PPFIA1: variants seen among roughly 807,000 people sequenced by gnomAD.
PPFIA1 encodes PPFI scaffold protein A1.
A neutral mutation model predicts 149.9 loss-of-function variants in PPFIA1; 25 were observed. The observed-to-expected ratio is 0.17, with a 90% CI of 0.12 to 0.23. PPFIA1 has a LOEUF of 0.23. Among genes scored for constraint, PPFIA1 ranks in the 10% least tolerant of loss-of-function variants. The pLI is 1.00. For synonymous variants in PPFIA1, 549 were observed against 552.8 expected (o/e 0.99, Z 0.10); for missense variants, 1,362 against 1,506.5 (o/e 0.90, Z 1.59).
rs1042534008 is a variant in PPFIA1, at chr11:70,327,364, A to G, written c.930+546A>G. On this transcript the variant is annotated intron_variant, in intron 7 of 27. Transcript: ENST00000253925. ...TGTGGCGTTGAATATTAATGGTCAAACAATCAAGAGTGGAATTTGCTTCTA... is the reference window on the plus strand; with the variant it reads ...TGTGGCGTTGAATATTAATGGTCAAGCAATCAAGAGTGGAATTTGCTTCTA... Among the ~76,000 whole-genome samples, 3 of 152,358 alleles carry G rather than the reference A, an allele frequency of 2.0e-5. No homozygotes were observed. The South Asian group carries it at 6.2e-4, about 32-fold the overall frequency.
intron 14 of PPFIA1, among the ~76,000 whole-genome samples, chr11:70,339,674 C>T (rs1380528981): frequency 2.7e-5 from 4 of 149,738 alleles, no homozygotes; most frequent in Non-Finnish European, 5.9e-5. Context: ...AAAATACAGT[C>T]ACTTTTAAAT....
At chr11:70,338,573 G>T in intron 13 of PPFIA1, 120 bp downstream of exon 13, 4 of 736,288 alleles carry the variant, frequency 5.4e-6, no homozygotes, top group Non-Finnish European at 9.0e-6. Context: ...CTGTAGCTTA[G>T]TAGGAAGCGA....
At chr11:70,338,599 C>G in intron 13 of PPFIA1, 146 bp downstream of exon 13, 2 of 635,132 alleles carry the variant, frequency 3.1e-6, no homozygotes, top group South Asian at 2.0e-5. Flanking sequence ...AAAAGTAACT[C>G]AAAGGTTAGA....
At chr11:70,369,195 T>A (rs901977071) in intron 21 of PPFIA1, among the ~76,000 whole-genome samples, 10 of 152,348 alleles carry the variant, frequency 6.6e-5, no homozygotes, top group Non-Finnish European at 1.5e-4. Flanking sequence ...TGGAGTTCCA[T>A]AAATGATGAC....
intron 2 of PPFIA1, among the ~76,000 whole-genome samples, chr11:70,300,111 C>T (rs1293971232): frequency 6.6e-6 from 1 of 151,092 alleles, no homozygotes; most frequent in African/African-American, 2.4e-5. Flanking sequence ...GCCCCTTCCA[C>T]CCGCCCCACA....
At chr11:70,327,572 C>A (rs958623528) in intron 7 of PPFIA1, 22 of 152,110 alleles carry the variant, frequency 1.4e-4, no homozygotes, top group Admixed American at 1.1e-3. Flanking sequence ...GAGATCGAGA[C>A]CATCCTGGCT....
chr11:70,278,982 G>A, intron 2 of PPFIA1: 1 of 593,632 alleles, frequency 1.7e-6, no homozygotes, highest in Admixed American at 2.2e-5. Flanking sequence ...ACCTTTACCA[G>A]CAATTGTAGA....
chr11:70,283,756 A>G (rs1341958485), intron 2 of PPFIA1, among the ~76,000 whole-genome samples: 2 of 83,508 alleles, frequency 2.4e-5, no homozygotes, highest in African/African-American at 9.4e-5. Flanking sequence ...ACCAGGGTCA[A>G]GCTTGCGGGG....
chr11:70,376,463 A>G, intron 24 of PPFIA1, 69 bp from the exon 25 acceptor site: 2 of 1,470,628 alleles, frequency 1.4e-6, no homozygotes. Context: ...TTAAAAAACA[A>G]TTACGATGCT....
chr11:70,375,928 A>G (rs1032149821), intron 24 of PPFIA1, among the ~76,000 whole-genome samples: 2 of 144,558 alleles, frequency 1.4e-5, no homozygotes, highest in African/African-American at 2.5e-5. Flanking sequence ...TTGACTCCAC[A>G]TTAGATGCCC....
At chr11:70,329,613 A>G (rs549505602) in intron 7 of PPFIA1, among the ~76,000 whole-genome samples, 356 of 152,172 alleles carry the variant, frequency 2.3e-3, no homozygotes, top group Admixed American at 4.3e-3. Flanking sequence ...TGCGTGGCTA[A>G]TTTTTGTTTC....
intron 25 of PPFIA1, 28 bp downstream of exon 25, chr11:70,376,628 A>AT (rs748972540): frequency 6.6e-7 from 1 of 1,510,578 alleles, no homozygotes; most frequent in African/African-American, 1.4e-5. Context: ...TGTTCTTTAA[A>AT]TGTCTGAAAT....
At chr11:70,299,415 T>G (rs571222064) in intron 2 of PPFIA1, among the ~76,000 whole-genome samples, 76 of 152,306 alleles carry the variant, frequency 5.0e-4, no homozygotes, top group African/African-American at 1.7e-3. Context: ...GGATTTCTTT[T>G]CATGTTAGGT....
rs575647970 is a variant in PPFIA1 at position 70,303,557 on chromosome 11, T to C, written c.265-20845T>C. On this transcript the variant is annotated intron_variant, in intron 2 of 27. Transcript: ENST00000253925. ...TTCCTGAGCGGTGCCAAGTGTGATA[T>C]TGTAGCATAAGAAGAGATGTACATT... Among the ~76,000 whole-genome samples, 15 of 152,322 alleles carry C rather than the reference T, an allele frequency of 9.8e-5. 1 individual carries two copies. Among genetic ancestry groups the C allele is most frequent in the Non-Finnish European group, 2.1e-4 (14 of 68,022 alleles).
At chr11:70,296,086 C>T (rs552506093) in intron 2 of PPFIA1, among the ~76,000 whole-genome samples, 21 of 152,048 alleles carry the variant, frequency 1.4e-4, no homozygotes, top group African/African-American at 4.3e-4. Context: ...AGACGATGGG[C>T]GGCTGGGCAG....
chr11:70,336,388 G>A (rs1316715201), intron 11 of PPFIA1, among the ~76,000 whole-genome samples: 2 of 151,902 alleles, frequency 1.3e-5, no homozygotes, highest in Non-Finnish European at 2.9e-5. Context: ...TGTAGTCCCA[G>A]CTACTTGAGA....
intron 2 of PPFIA1, among the ~76,000 whole-genome samples, chr11:70,294,720 C>T (rs1267723686): frequency 6.6e-6 from 1 of 151,646 alleles, no homozygotes; most frequent in Non-Finnish European, 1.5e-5. Context: ...GTGTTTGTGT[C>T]CCTGGGTACT....
intron 16 of PPFIA1, among the ~76,000 whole-genome samples, chr11:70,352,712 A>AGCGTGTGGAGGGGTGCGGAGGGCG (rs1190266493): frequency 6.9e-6 from 1 of 144,770 alleles, no homozygotes; most frequent in Non-Finnish European, 1.5e-5. Context: ...ACAGCACTAC[A>AGCGTGTGGAGGGGTGCGGAGGGCG]GCGTGTGGAG....
intron 2 of PPFIA1, among the ~76,000 whole-genome samples, chr11:70,296,163 T>C (rs912577957): frequency 3.4e-5 from 5 of 146,910 alleles, no homozygotes; most frequent in African/African-American, 1.0e-4. Flanking sequence ...CTAGATGGGA[T>C]GGCGGCCAGG....
Sources: gnomAD v4.1 joint callset for allele counts (sites outside exome capture counted in the v4.1 genomes callset) on GRCh38, gnomAD v4.1.1 for gene constraint, MANE v1.5 for transcripts, NCBI Gene and HGNC (gene_info 2026-07-23, HGNC 2026-07-21) for gene names.